TEX11: variants seen among roughly 807,000 people sequenced by gnomAD.
TEX11 encodes the protein testis expressed 11.
Under a neutral mutation model 84.4 loss-of-function variants are expected in TEX11, and 7 were observed. That is an observed-to-expected ratio of 0.08 (90% CI 0.05 to 0.16). The LOEUF is 0.16. TEX11 is among the 10% of genes least tolerant of loss of function. The pLI is 1.00. For missense variants in TEX11, 551 were observed against 660.5 expected, an observed-to-expected ratio of 0.83 and a Z score of 1.82; for synonymous variants, 264 against 222.8, an observed-to-expected ratio of 1.18 and a Z score of -1.64.
intron 8 of TEX11, among the ~76,000 whole-genome samples, chrX:70,815,222 C>T (rs761105096): frequency 8.9e-6 from 1 of 112,280 alleles, no homozygotes; most frequent in South Asian, 3.7e-4. Flanking sequence ...GAAAGAATCC[C>T]TATGTTCCAC....
chrX:70,724,343 T>C, intron 12 of TEX11: 1 of 413,940 alleles, frequency 2.4e-6, no homozygotes, highest in Non-Finnish European at 3.0e-6. Context: ...TGAGGTCTCT[T>C]AAGTGATTGG....
rs183482975 is a variant in TEX11, at chrX:70,584,145, C to T, written c.2140+7606G>A. 3.1e-3 allele frequency among the ~76,000 whole-genome samples: 334 copies of T among 107,663 alleles called. 1 individual carries two copies. Among genetic ancestry groups the T allele is most frequent in the Admixed American group, 5.5e-3 (55 of 10,081 alleles). The allele number at this position is 107,663 out of a possible 115,157, so 93.5% of individuals were successfully genotyped here. ...ATACAAAAAAAAAATTAGCCGGGCG[C>T]GGTGGCGGGCGCCTGTAGTCCCAGC... On this transcript the variant is annotated intron_variant, in intron 25 of 29. Coordinates refer to ENST00000374333, the MANE Select transcript of TEX11 (RefSeq NM_031276.3).
Position 70,591,802 on chromosome X carries a change from G to A in TEX11, c.2089C>T (p.Leu697Phe). 1 of 1,209,415 alleles carries A rather than the reference G, an allele frequency of 8.3e-7. No individual in the cohort carries two copies. Among genetic ancestry groups the A allele is most frequent in the Non-Finnish European group, 1.1e-6 (1 of 894,069 alleles). Residue 697 changes from leucine to phenylalanine, a missense_variant, in exon 25 of 30, where the codon CTT becomes TTT. Coordinates refer to ENST00000374333, the MANE Select transcript of TEX11 (RefSeq NM_031276.3). ...TCATTGCATGTCTGGATCTCCTCAA[G>A]TGCACGACTCAGGAACATGGTCTGT... is the stretch of plus-strand genomic sequence containing the variant. Reference protein sequence around the residue: ...FEQTMFLSRALEEIQTCNDIH... With the variant: ...FEQTMFLSRAFEEIQTCNDIH...
At chrX:70,775,995 T>C (rs139506352) in intron 9 of TEX11, among the ~76,000 whole-genome samples, 1,171 of 107,533 alleles carry the variant, frequency 0.011, 14 homozygotes, top group African/African-American at 0.037. Context: ...TTATGCACTG[T>C]TGATGAGAAT....
At chrX:70,825,496 G>A (rs567546158) in intron 8 of TEX11, among the ~76,000 whole-genome samples, 1 of 110,641 alleles carries the variant, frequency 9.0e-6, no homozygotes, top group South Asian at 3.8e-4. Flanking sequence ...TTTTAAAACT[G>A]TTTGAACAAA....
At chrX:70,802,311 T>C (rs1293699413) in intron 9 of TEX11, among the ~76,000 whole-genome samples, 1 of 111,649 alleles carries the variant, frequency 9.0e-6, no homozygotes, top group Non-Finnish European at 1.9e-5. Context: ...TAAGATTTTA[T>C]GAGACAATCA....
intron 16 of TEX11, among the ~76,000 whole-genome samples, chrX:70,670,091 T>C (rs940418605): frequency 6.2e-5 from 7 of 112,380 alleles, no homozygotes; most frequent in Non-Finnish European, 1.1e-4. Context: ...TAGTAGCAGA[T>C]AACTTTGTTC....
At chrX:70,539,039 T>TATATATATATA (rs1555978760) in intron 28 of TEX11, among the ~76,000 whole-genome samples, 259 of 16,563 alleles carry the variant, frequency 0.016, 2 homozygotes, top group South Asian at 0.11. Flanking sequence ...TATATATATA[T>TATATATATATA]TTTTTTTTTT....
intron 29 of TEX11, among the ~76,000 whole-genome samples, chrX:70,529,548 A>T (rs2087857225): frequency 8.9e-6 from 1 of 112,191 alleles, no homozygotes; most frequent in Admixed American, 9.5e-5. Flanking sequence ...ATGCACTGGC[A>T]CTGACAGTGA....
At chrX:70,552,354 C>T (rs1358195074) in intron 27 of TEX11, 108 bp from the exon 28 acceptor site, 2 of 953,195 alleles carry the variant, frequency 2.1e-6, no homozygotes, top group Non-Finnish European at 2.8e-6. Flanking sequence ...CTTCAAAACA[C>T]TTCTGTTCTT....
At chrX:70,524,529 A>G (rs1005636350), downstream of TEX11, among the ~76,000 whole-genome samples, 5 of 112,713 alleles carry the variant, frequency 4.4e-5, no homozygotes, top group African/African-American at 6.4e-5. Context: ...AGAGCAATTT[A>G]TTAGTGATAC....
At chrX:70,791,795 A>G (rs1196391293) in intron 9 of TEX11, among the ~76,000 whole-genome samples, 1 of 111,820 alleles carries the variant, frequency 8.9e-6, no homozygotes, top group Non-Finnish European at 1.9e-5. Context: ...CAGAAATAAA[A>G]AATACTTTGA....
chrX:70,590,716 T>TTTTA (rs1370472610), intron 25 of TEX11, among the ~76,000 whole-genome samples: 1 of 111,902 alleles, frequency 8.9e-6, no homozygotes, highest in Non-Finnish European at 1.9e-5. Context: ...GTTTAGATTA[T>TTTTA]TTTATTTATT....
At chrX:70,859,686 T>C (rs2091558641) in intron 5 of TEX11, among the ~76,000 whole-genome samples, 1 of 110,812 alleles carries the variant, frequency 9.0e-6, no homozygotes, top group African/African-American at 3.3e-5. Flanking sequence ...TAAACATACA[T>C]TTGTATTTTG....
downstream of TEX11, among the ~76,000 whole-genome samples, chrX:70,525,395 G>A (rs2087813161): frequency 9.0e-6 from 1 of 110,783 alleles, no homozygotes; most frequent in South Asian, 3.9e-4. Flanking sequence ...AGAGCAGCCT[G>A]GGCAACATGG....
At chrX:70,739,318 G>A (rs1312850785) in intron 11 of TEX11, among the ~76,000 whole-genome samples, 2 of 109,165 alleles carry the variant, frequency 1.8e-5, no homozygotes, top group African/African-American at 6.6e-5. Flanking sequence ...CCACTCTGTT[G>A]AAAAAAACCT....
chrX:70,585,772 G>T (rs767539045), intron 25 of TEX11, among the ~76,000 whole-genome samples: 1 of 112,664 alleles, frequency 8.9e-6, no homozygotes, highest in South Asian at 3.7e-4. Flanking sequence ...GTCTCTTCAG[G>T]CCGGGTGTGG....
At chrX:70,822,250 C>T (rs1007218040) in intron 8 of TEX11, among the ~76,000 whole-genome samples, 29 of 110,621 alleles carry the variant, frequency 2.6e-4, no homozygotes, top group Non-Finnish European at 4.0e-4. Flanking sequence ...ATTTTCAATC[C>T]CCAGTTGGTT....
chrX:70,817,228 C>T (rs1325653514), intron 8 of TEX11, among the ~76,000 whole-genome samples: 1 of 84,333 alleles, frequency 1.2e-5, no homozygotes, highest in East Asian at 3.9e-4. Flanking sequence ...TACACATACA[C>T]ATACACACAC....
Sources: gnomAD v4.1 joint callset for allele counts (sites outside exome capture counted in the v4.1 genomes callset) on GRCh38, gnomAD v4.1.1 for gene constraint, MANE v1.5 for transcripts, NCBI Gene and HGNC (gene_info 2026-07-23, HGNC 2026-07-21) for gene names.